The following LDAF1 variants were observed in gnomAD, a reference collection of about 807,000 sequenced individuals.
LDAF1 encodes lipid droplet assembly factor 1.
Under a neutral mutation model 13.5 loss-of-function variants are expected in LDAF1, and 7 were observed. The observed-to-expected ratio is 0.52, with a 90% CI of 0.29 to 0.97. The LOEUF is 0.97. Ranked by LOEUF, LDAF1 falls within the 50% of genes least tolerant of loss-of-function variation. The probability of loss-of-function intolerance (pLI) is 0.07; values close to 1 mark genes in which losing one functional copy is unlikely to be tolerated. For synonymous variants in LDAF1, 69 were observed against 77.1 expected (o/e 0.89, Z 0.55); for missense variants, 148 against 193.2 (o/e 0.77, Z 1.39).
chr16:21,176,576 A>G (rs1468859873), intron 4 of LDAF1, among the ~76,000 whole-genome samples: 1 of 152,058 alleles, frequency 6.6e-6, no homozygotes, highest in African/African-American at 2.4e-5. Context: ...CCAGGAGTTC[A>G]AGGCTGCAGT....
At chr16:21,176,563 G>A in intron 4 of LDAF1, among the ~76,000 whole-genome samples, 1 of 151,802 alleles carries the variant, frequency 6.6e-6, no homozygotes, top group African/African-American at 2.4e-5. Context: ...GGATCATTTG[G>A]GCCCAGGAGT....
At chr16:21,175,573 C>G (rs73535738) in intron 4 of LDAF1, among the ~76,000 whole-genome samples, 8 of 152,118 alleles carry the variant, frequency 5.3e-5, no homozygotes, top group Admixed American at 6.5e-5. Flanking sequence ...ACTCTGTTGC[C>G]GTAGCATGAA....
Position 21,174,086 on chromosome 16 carries a change from G to C in LDAF1, c.342G>C (p.Ser114=), listed in dbSNP as rs373626016. ...CGLGFVSLAM[S]GMMIASYVVV... ...TGGGCTTCGTATCACTCGCCATGTC[G>C]GGGATGATGATAGCATCTTATGTAG... The change falls in exon 4 of 5, where the codon TCG becomes TCC. Residue 114 remains serine, a synonymous_variant. Coordinates refer to ENST00000233047, the MANE Select transcript of LDAF1 (RefSeq NM_001301771.2). The C allele has an allele frequency of 1.2e-5, 20 of 1,614,010 alleles. No homozygotes were observed. Among genetic ancestry groups the C allele is most frequent in the Non-Finnish European group, 1.6e-5 (19 of 1,179,962 alleles).
chr16:21,163,154 A>G (rs567779920), intron 2 of LDAF1, among the ~76,000 whole-genome samples: 1 of 152,344 alleles, frequency 6.6e-6, no homozygotes, highest in South Asian at 2.1e-4. Context: ...AGAACACTTC[A>G]GCACTACACT....
At chr16:21,161,796 G>A (rs12597330) in intron 2 of LDAF1, among the ~76,000 whole-genome samples, 24,246 of 152,174 alleles carry the variant, frequency 0.16, 2,380 homozygotes, top group South Asian at 0.26. Context: ...ATAGAAATAT[G>A]ATGTGAGTCA....
chr16:21,166,129 T>A (rs1037762860), intron 2 of LDAF1, among the ~76,000 whole-genome samples: 1 of 152,198 alleles, frequency 6.6e-6, no homozygotes, highest in Admixed American at 6.5e-5. Flanking sequence ...CCCAAAGTGC[T>A]GGGATTACAG....
chr16:21,167,228 A>T (rs2093032536), intron 2 of LDAF1, among the ~76,000 whole-genome samples: 1 of 152,186 alleles, frequency 6.6e-6, no homozygotes, highest in African/African-American at 2.4e-5. Context: ...CCACTGTTTA[A>T]ACCACTTGGG....
chr16:21,178,287 A>G, intron 4 of LDAF1: 1 of 985,392 alleles, frequency 1.0e-6, no homozygotes, highest in Non-Finnish European at 1.2e-6. Flanking sequence ...GTTTATTTGC[A>G]GAGCCACCAA....
At chr16:21,164,601 T>C (rs943571505) in intron 2 of LDAF1, among the ~76,000 whole-genome samples, 1 of 152,190 alleles carries the variant, frequency 6.6e-6, no homozygotes, top group East Asian at 1.9e-4. Context: ...AGGTTTGTTA[T>C]GAAGATTATC....
rs553447720 is a variant in LDAF1 at position 21,178,439 on chromosome 16, A to G, written c.405-1036A>G. 33 of 966,812 alleles carry G rather than the reference A, an allele frequency of 3.4e-5. No homozygotes were observed. In the East Asian group the frequency reaches 2.6e-3, roughly 77 times the overall value. The allele number at this position is 966,812 out of a possible 1,614,324, so 59.9% of individuals were successfully genotyped here. On this transcript the variant is annotated intron_variant, in intron 4 of 4. Transcript: ENST00000233047. Reference sequence around the variant, plus strand: ...GTTTAGGTGGCAAATAATGAAAAAAACCAAAGTAGATACTAGTTTAAACAC... The same window carrying G: ...GTTTAGGTGGCAAATAATGAAAAAAGCCAAAGTAGATACTAGTTTAAACAC...
In LDAF1 at chr16:21,179,845, C is replaced by G; in HGVS notation, c.*289C>G. 3.4e-6 allele frequency: 1 copy of G among 294,924 alleles called. No homozygotes were observed. The highest frequency in any genetic ancestry group is 7.6e-5 in the East Asian group (1 of 13,206). 18.3% of individuals were successfully genotyped at this position (294,924 alleles called of 1,614,324 possible). On this transcript the variant is annotated 3_prime_UTR_variant, in exon 5 of 5. Coordinates refer to ENST00000233047, the MANE Select transcript of LDAF1 (RefSeq NM_001301771.2). ...GGTCCTGGGCTTCTAGAGTCTAGCC[C>G]GTTGACCCCAAAGCCTCAGGGCTTA...
intron 3 of LDAF1, among the ~76,000 whole-genome samples, chr16:21,170,828 A>G (rs1313072629): frequency 6.6e-6 from 1 of 152,160 alleles, no homozygotes; most frequent in Admixed American, 6.5e-5. Flanking sequence ...TGTCAAAATC[A>G]CATCAAGCAA....
At chr16:21,159,482 T>C in intron 1 of LDAF1, 1 of 1,592,364 alleles carries the variant, frequency 6.3e-7, no homozygotes, top group Non-Finnish European at 8.6e-7. Context: ...AGCTTGAACT[T>C]TCGAGGTAGC....
At chr16:21,176,653 T>C (rs1301025505) in intron 4 of LDAF1, among the ~76,000 whole-genome samples, 3 of 148,240 alleles carry the variant, frequency 2.0e-5, no homozygotes, top group Non-Finnish European at 3.0e-5. Flanking sequence ...AAAAAACAAA[T>C]GAAATGAGCT....
chr16:21,179,292 C>G, intron 4 of LDAF1, 183 bp from the exon 5 acceptor site: 1 of 927,844 alleles, frequency 1.1e-6, no homozygotes, highest in Non-Finnish European at 1.3e-6. Context: ...TACTCCTAAC[C>G]TGGTCATTTT....
intron 2 of LDAF1, among the ~76,000 whole-genome samples, chr16:21,168,886 A>G (rs1346590940): frequency 7.4e-6 from 1 of 134,446 alleles, no homozygotes; most frequent in Non-Finnish European, 1.5e-5. Flanking sequence ...AATTTATATT[A>G]TATATTTATA....
At chr16:21,170,693 G>T in intron 3 of LDAF1, 88 bp downstream of exon 3, 10 of 1,504,172 alleles carry the variant, frequency 6.6e-6, no homozygotes, top group Non-Finnish European at 9.1e-6. Flanking sequence ...TTTTTAAGGG[G>T]CGGGGTCTTG....
At chr16:21,170,738 T>C in intron 3 of LDAF1, 133 bp downstream of exon 3, 1 of 1,070,746 alleles carries the variant, frequency 9.3e-7, no homozygotes, top group Non-Finnish European at 1.3e-6. Context: ...ACTCCTGGGC[T>C]CAAGTGATCC....
intron 2 of LDAF1, chr16:21,166,821 G>A (rs931689922): frequency 1.6e-5 from 24 of 1,535,140 alleles, no homozygotes; most frequent in Middle Eastern, 3.3e-4. Context: ...CGGCTCCTCC[G>A]CCTCTCTTTC....
Sources: allele counts gnomAD v4.1 joint callset (sites outside exome capture counted in the v4.1 genomes callset), GRCh38; gene constraint gnomAD v4.1.1; transcripts MANE v1.5; gene names NCBI Gene and HGNC (gene_info 2026-07-23, HGNC 2026-07-21).